SYTL2: variants seen among roughly 807,000 people sequenced by gnomAD.
SYTL2 encodes the protein synaptotagmin like 2, also known as synaptotagmin-like protein 2.
Under a neutral mutation model 198.7 loss-of-function variants are expected in SYTL2, and 165 were observed. The ratio of observed to expected loss-of-function variants is 0.83; its 90% CI spans 0.73 to 0.94. SYTL2 has a LOEUF of 0.94. Among genes scored for constraint, SYTL2 ranks in the 40% least tolerant of loss-of-function variants. The pLI is 0.00. For synonymous variants in SYTL2, 966 were observed against 917.7 expected (o/e 1.05, Z -0.95); for missense variants, 2,835 against 2,582.8 (o/e 1.10, Z -2.12).
At chr11:85,805,838 T>C (rs2092952068) in intron 1 of SYTL2, among the ~76,000 whole-genome samples, 1 of 152,236 alleles carries the variant, frequency 6.6e-6, no homozygotes, top group African/African-American at 2.4e-5. Flanking sequence ...AAATATTTAC[T>C]GATGCATTTA....
At chr11:85,755,178 C>T (rs1360688278) in intron 2 of SYTL2, among the ~76,000 whole-genome samples, 1 of 152,126 alleles carries the variant, frequency 6.6e-6, no homozygotes, top group Non-Finnish European at 1.5e-5. Context: ...GCAGAACAAC[C>T]TCCAAACTAT....
intron 4 of SYTL2, 89 bp downstream of exon 4, chr11:85,745,548 T>G: frequency 1.4e-6 from 2 of 1,448,936 alleles, no homozygotes; most frequent in Admixed American, 1.8e-5. Flanking sequence ...CAGTCTGGCA[T>G]CTGTACTCAT....
chr11:85,736,469 A>T, intron 6 of SYTL2, 32 bp downstream of exon 6: 3 of 1,185,950 alleles, frequency 2.5e-6, no homozygotes, highest in Non-Finnish European at 3.7e-6. Flanking sequence ...TAACAAAGAT[A>T]AAAAAATCAA....
Position 85,725,483 on chromosome 11 carries a change from T to G in SYTL2, c.3875A>C (p.Gln1292Pro). ...CTGAATCAAATTCTGTGTGCTTAGC[T>G]GGCACTCACCACTTTCAGCTTTCTT... ...LLKKAESGECQLSTQNLIQMA... is the reference protein window; with the variant it reads ...LLKKAESGECPLSTQNLIQMA... Residue 1292 changes from glutamine to proline, a missense_variant, in exon 8 of 20, where the codon CAG becomes CCG. This residue lies in a region of SYTL2 where 2,645 missense variants were observed against 2,381.7 expected (regional missense o/e 1.11). Coordinates refer to ENST00000359152, the MANE Select transcript of SYTL2 (RefSeq NM_206927.4). 6.2e-7 allele frequency: 1 copy of G among 1,614,108 alleles called. No homozygotes were observed. Among genetic ancestry groups the G allele is most frequent in the African/African-American group, 1.3e-5 (1 of 75,068 alleles).
chr11:85,827,241 C>G, the SYTL2 span, among the ~76,000 whole-genome samples: 9 of 152,218 alleles, frequency 5.9e-5, no homozygotes, highest in African/African-American at 1.2e-4. Context: ...CTTCCCACCT[C>G]TATTCCCCAA....
At chr11:85,717,634 A>T (rs1391901588) in intron 10 of SYTL2, 104 bp from the exon 11 acceptor site, 1 of 926,126 alleles carries the variant, frequency 1.1e-6, no homozygotes, top group Non-Finnish European at 1.8e-6. Context: ...AGACAGCAGA[A>T]TACATCTGAC....
At chr11:85,739,757 T>C (rs2090646929) in intron 4 of SYTL2, among the ~76,000 whole-genome samples, 1 of 152,180 alleles carries the variant, frequency 6.6e-6, no homozygotes, top group South Asian at 2.1e-4. Context: ...AGTCACCTGC[T>C]TGATGTTACA....
the SYTL2 span, among the ~76,000 whole-genome samples, chr11:85,827,407 A>G: frequency 6.6e-6 from 1 of 152,084 alleles, no homozygotes; most frequent in African/African-American, 2.4e-5. Flanking sequence ...CACTACCCCT[A>G]TGGCTCCCTG....
intron 1 of SYTL2, among the ~76,000 whole-genome samples, chr11:85,808,333 G>A (rs1458395427): frequency 6.6e-6 from 1 of 152,132 alleles, no homozygotes; most frequent in Admixed American, 6.5e-5. Flanking sequence ...CCAAAGTGCT[G>A]GGATTCCAGG....
chr11:85,700,166 T>C (rs2084048113), intron 17 of SYTL2, among the ~76,000 whole-genome samples: 1 of 152,084 alleles, frequency 6.6e-6, no homozygotes. Context: ...CAGAAGCTGG[T>C]AGTAGAGGAA....
intron 17 of SYTL2, 114 bp downstream of exon 17, chr11:85,700,401 G>A (rs796105362): frequency 4.6e-5 from 35 of 762,928 alleles, no homozygotes; most frequent in East Asian, 2.7e-4. Flanking sequence ...TGGTCTATAC[G>A]TTACTAACTT....
rs1438083243 is a variant in SYTL2 at position 85,717,584 on chromosome 11, G to C, written c.5483-54C>G. The C allele has an allele frequency of 3.9e-5, 56 of 1,448,502 alleles. 1 individual carries two copies. The Middle Eastern group carries it at 5.2e-4, about 13-fold the overall frequency. 89.7% of individuals were successfully genotyped at this position (1,448,502 alleles called of 1,614,324 possible). On this transcript the variant is annotated intron_variant, in intron 10 of 19. Transcript: ENST00000359152. ...ATACCATTTTAACAGAAGGATTAAA[G>C]AGACATGAAAGTAAAGCTCAAATGT...
the SYTL2 span, among the ~76,000 whole-genome samples, chr11:85,845,824 G>C: frequency 6.6e-6 from 1 of 152,158 alleles, no homozygotes; most frequent in Non-Finnish European, 1.5e-5. Flanking sequence ...GCTGAGGCAG[G>C]AGAATGGCGT....
rs542047202 is a variant in SYTL2, at chr11:85,781,337, A to G, written c.-389-23223T>C. 3.2e-3 allele frequency among the ~76,000 whole-genome samples: 493 copies of G among 152,280 alleles called. 2 individuals carry two copies. The highest frequency in any genetic ancestry group is 4.7e-3 in the Non-Finnish European group (323 of 68,012). On this transcript the variant is annotated intron_variant, in intron 1 of 19. Transcript: ENST00000359152. ...CAGCGGCATGGGGGTAATCACCCCC[A>G]TGATTCAATTACCTCCCACCAAGTC...
rs764306150 is a variant in SYTL2, at chr11:85,726,157, G to C, written c.3201C>G (p.Ile1067Met). ...KGILQVLPDE[I>M]TFPLSPLRKY... ...TTCTAAGTGGACTCAAAGGAAATGT[G>C]ATTTCATCTGGTAGCACCTGGAGTA... is the stretch of plus-strand genomic sequence containing the variant. The change falls in exon 8 of 20, where the codon ATC (isoleucine) becomes ATG (methionine). Residue 1067 changes from isoleucine to methionine, a missense_variant. Transcript: ENST00000359152. The C allele has an allele frequency of 2.7e-5, 43 of 1,613,862 alleles. 1 individual carries two copies. Among genetic ancestry groups the C allele is most frequent in the Middle Eastern group, 3.3e-4 (2 of 6,084 alleles).
chr11:85,763,058 C>T (rs1415960255), intron 1 of SYTL2, among the ~76,000 whole-genome samples: 1 of 152,144 alleles, frequency 6.6e-6, no homozygotes, highest in Non-Finnish European at 1.5e-5. Flanking sequence ...CAATATTATT[C>T]AATGGGTTCC....
intron 19 of SYTL2, among the ~76,000 whole-genome samples, chr11:85,695,665 G>A (rs1447333477): frequency 6.6e-6 from 1 of 152,208 alleles, no homozygotes; most frequent in African/African-American, 2.4e-5. Context: ...AGGTTAGTGT[G>A]ACTAAGGCTT....
chr11:85,804,475 G>A (rs2092931717), intron 1 of SYTL2, among the ~76,000 whole-genome samples: 1 of 151,880 alleles, frequency 6.6e-6, no homozygotes, highest in African/African-American at 2.4e-5. Context: ...TGTCACCTTG[G>A]GCAACTTATT....
the SYTL2 span, among the ~76,000 whole-genome samples, chr11:85,841,608 G>C: frequency 5.3e-5 from 8 of 152,146 alleles, no homozygotes; most frequent in Non-Finnish European, 1.0e-4. Context: ...TTATAAGTGG[G>C]AGCTAAATGA....
Sources: allele counts gnomAD v4.1 joint callset (sites outside exome capture counted in the v4.1 genomes callset), GRCh38; gene constraint gnomAD v4.1.1; regional missense constraint gnomAD v4.1.1; transcripts MANE v1.5; gene names NCBI Gene and HGNC (gene_info 2026-07-23, HGNC 2026-07-21).